RELN: variants seen among roughly 807,000 people sequenced by gnomAD.
RELN encodes the protein reelin.
A neutral mutation model predicts 427.6 loss-of-function variants in RELN; 108 were observed. The ratio of observed to expected loss-of-function variants is 0.25; its 90% CI spans 0.22 to 0.30. The LOEUF (loss-of-function observed/expected upper bound fraction) is 0.30. Among genes scored for constraint, RELN ranks in the 10% least tolerant of loss-of-function variants. The pLI is 1.00. For missense variants in RELN, 3,715 were observed against 4,302.8 expected, an observed-to-expected ratio of 0.86 and a Z score of 3.82; for synonymous variants, 1,524 against 1,513.4, an observed-to-expected ratio of 1.01 and a Z score of -0.16.
chr7:103,862,443 CTAT>C (rs1794094605), intron 2 of RELN, among the ~76,000 whole-genome samples: 2 of 151,764 alleles, frequency 1.3e-5, no homozygotes. Flanking sequence ...ATCTATCTAT[CTAT>C]CTATCTATCT....
intron 46 of RELN, among the ~76,000 whole-genome samples, chr7:103,528,203 T>C (rs1405669549): frequency 6.6e-6 from 1 of 152,218 alleles, no homozygotes; most frequent in South Asian, 2.1e-4. Context: ...TAAAATGGAA[T>C]ATTAATCAGC....
chr7:103,530,170 C>T (rs1829909002), intron 46 of RELN, among the ~76,000 whole-genome samples: 2 of 152,126 alleles, frequency 1.3e-5, no homozygotes, highest in Admixed American at 1.3e-4. Context: ...TGGACATTTC[C>T]ATTTGTACCT....
chr7:103,727,079 C>T (rs979852076), intron 7 of RELN, among the ~76,000 whole-genome samples: 1 of 152,074 alleles, frequency 6.6e-6, no homozygotes, highest in Admixed American at 6.6e-5. Context: ...CATCTTACAA[C>T]AATTAATTGG....
At chr7:103,684,733 T>C (rs1354071685) in intron 10 of RELN, among the ~76,000 whole-genome samples, 1 of 152,142 alleles carries the variant, frequency 6.6e-6, no homozygotes, top group Admixed American at 6.6e-5. Flanking sequence ...GCTAGAGGTG[T>C]TGTTAGTGGC....
intron 6 of RELN, among the ~76,000 whole-genome samples, chr7:103,738,305 T>C (rs556234719): frequency 4.6e-4 from 70 of 152,094 alleles, no homozygotes; most frequent in Middle Eastern, 3.4e-3. Flanking sequence ...TTGAGAAAAC[T>C]AAAATCCATT....
chr7:103,663,146 T>C (rs1302623983), intron 11 of RELN, among the ~76,000 whole-genome samples: 1 of 152,184 alleles, frequency 6.6e-6, no homozygotes, highest in African/African-American at 2.4e-5. Context: ...CCAAACTTCC[T>C]GGCTCCTCCT....
chr7:103,952,395 A>T (rs1362950055), intron 1 of RELN, among the ~76,000 whole-genome samples: 1 of 152,222 alleles, frequency 6.6e-6, no homozygotes, highest in Non-Finnish European at 1.5e-5. Flanking sequence ...AACTTTACTT[A>T]AATTTATTCT....
chr7:103,846,244 T>A (rs766285168), intron 2 of RELN, among the ~76,000 whole-genome samples: 1 of 152,070 alleles, frequency 6.6e-6, no homozygotes, highest in African/African-American at 2.4e-5. Flanking sequence ...TACAGACCAA[T>A]GGAACACAGC....
At chr7:103,702,404 GGT>G (rs1834113150) in intron 8 of RELN, among the ~76,000 whole-genome samples, 3 of 151,918 alleles carry the variant, frequency 2.0e-5, no homozygotes, top group Non-Finnish European at 2.9e-5. Flanking sequence ...AAATGTATAA[GGT>G]AAATCTCTGA....
chr7:103,809,614 AAAACTTGGG>A (rs1474912026), intron 3 of RELN, among the ~76,000 whole-genome samples: 9 of 152,210 alleles, frequency 5.9e-5, no homozygotes, highest in African/African-American at 2.2e-4. Flanking sequence ...AGGAAAATAA[AAAACTTGGG>A]TTTGGAAAGG....
chr7:103,729,440 G>A (rs1790298090), intron 6 of RELN, among the ~76,000 whole-genome samples: 1 of 152,144 alleles, frequency 6.6e-6, no homozygotes, highest in Non-Finnish European at 1.5e-5. Flanking sequence ...TTACCACATT[G>A]ATTAAATGAT....
At chr7:103,721,528 A>T (rs2115899733) in intron 8 of RELN, among the ~76,000 whole-genome samples, 1 of 152,294 alleles carries the variant, frequency 6.6e-6, no homozygotes, top group African/African-American at 2.4e-5. Flanking sequence ...TGTAATTGGT[A>T]CAAATGAAAG....
intron 20 of RELN, among the ~76,000 whole-genome samples, chr7:103,618,361 C>T (rs7811905): frequency 0.031 from 4,682 of 151,824 alleles, 224 homozygotes; most frequent in African/African-American, 0.1. Context: ...ACCTGTTACT[C>T]GTCTCTAGCC....
chr7:103,728,525 G>C (rs1790270583), intron 6 of RELN, among the ~76,000 whole-genome samples: 1 of 152,180 alleles, frequency 6.6e-6, no homozygotes, highest in South Asian at 2.1e-4. Flanking sequence ...TGAAATGAGA[G>C]ATTATATACA....
At chr7:103,708,516 T>G (rs1789701850) in intron 8 of RELN, among the ~76,000 whole-genome samples, 1 of 138,536 alleles carries the variant, frequency 7.2e-6, no homozygotes, top group Admixed American at 7.7e-5. Flanking sequence ...CAGGTTGGAC[T>G]GCAGTGGCGC....
chr7:103,668,833 C>T (rs1833327672), intron 11 of RELN, among the ~76,000 whole-genome samples: 1 of 152,148 alleles, frequency 6.6e-6, no homozygotes, highest in African/African-American at 2.4e-5. Context: ...CCTACTGATC[C>T]ACAAAGCAAG....
In RELN at chr7:103,836,342, T is replaced by G. The variant is rs79609204; in HGVS notation, c.338-2670A>C. On this transcript the variant is annotated intron_variant, in intron 2 of 64. Transcript: ENST00000428762. ...TATTTAAATTTAAATTAATTAAAAT[T>G]TGATACAATTAAAAATTCAGTTCTT... 1.4e-3 allele frequency among the ~76,000 whole-genome samples: 219 copies of G among 152,324 alleles called. 2 individuals are homozygous for G. In the East Asian group the frequency reaches 0.035, roughly 24 times the overall value.
chr7:103,943,824 G>C (rs1345760216), intron 1 of RELN, among the ~76,000 whole-genome samples: 1 of 131,848 alleles, frequency 7.6e-6, no homozygotes, highest in Non-Finnish European at 1.6e-5. Context: ...CTCCAGCTTG[G>C]GGAATGGAGC....
chr7:103,974,373 T>C (rs1233754870), intron 1 of RELN, among the ~76,000 whole-genome samples: 1 of 152,212 alleles, frequency 6.6e-6, no homozygotes, highest in Non-Finnish European at 1.5e-5. Flanking sequence ...CCAGTCCATT[T>C]CCTGAGCCTG....
Sources: gnomAD v4.1 joint callset for allele counts (sites outside exome capture counted in the v4.1 genomes callset) on GRCh38, gnomAD v4.1.1 for gene constraint, MANE v1.5 for transcripts, NCBI Gene and HGNC (gene_info 2026-07-23, HGNC 2026-07-21) for gene names.